The following CPSF3 variants were observed in gnomAD, a reference collection of about 807,000 sequenced individuals.
CPSF3 encodes the protein cleavage and polyadenylation specific factor 3, also known as cleavage and polyadenylation specificity factor subunit 3.
CPSF3 carries 57 observed loss-of-function variants against 84.1 expected under a neutral mutation model. The observed-to-expected ratio is 0.68, with a 90% CI of 0.55 to 0.85. The LOEUF (loss-of-function observed/expected upper bound fraction) is 0.85, where lower values mean the gene tolerates loss of function less well. Ranked by LOEUF, CPSF3 falls within the 40% of genes least tolerant of loss-of-function variation. CPSF3 has a pLI of 0.00. For missense variants in CPSF3, 522 were observed against 838.8 expected (o/e 0.62, Z 4.66); for synonymous variants, 275 against 278.1 (o/e 0.99, Z 0.11).
intron 16 of CPSF3, among the ~76,000 whole-genome samples, chr2:9,468,916 G>A (rs985556430): frequency 2.9e-4 from 44 of 152,084 alleles, no homozygotes; most frequent in African/African-American, 1.0e-3. Context: ...GTGAACCCCC[G>A]TGCCCGGCCC....
At chr2:9,466,424 GCACACACGCGCA>G (rs1034921454) in intron 15 of CPSF3, among the ~76,000 whole-genome samples, 6 of 141,846 alleles carry the variant, frequency 4.2e-5, no homozygotes, top group African/African-American at 1.7e-4. Flanking sequence ...ACGCACACGC[GCACACACGCGCA>G]CACACACAAA....
At chr2:9,457,054 ATGAGGG>A in intron 14 of CPSF3, 27 bp downstream of exon 14, 1 of 1,348,336 alleles carries the variant, frequency 7.4e-7, no homozygotes, top group Non-Finnish European at 1.0e-6. Context: ...TACCTAAACA[ATGAGGG>A]GAAAAAAGTT....
chr2:9,445,710 T>C (rs1392182357), intron 10 of CPSF3, among the ~76,000 whole-genome samples: 2 of 152,190 alleles, frequency 1.3e-5, no homozygotes, highest in Non-Finnish European at 2.9e-5. Context: ...TTGTGTGGTG[T>C]CACCACCTCA....
At chr2:9,423,935 C>A in intron 1 of CPSF3, 112 bp downstream of exon 1, 1 of 1,498,788 alleles carries the variant, frequency 6.7e-7, no homozygotes, top group Non-Finnish European at 8.9e-7. Flanking sequence ...GGCAGCCTGC[C>A]TTTGGTCCGC....
At chr2:9,435,467 G>A (rs1680745214) in intron 6 of CPSF3, among the ~76,000 whole-genome samples, 1 of 150,336 alleles carries the variant, frequency 6.7e-6, no homozygotes, top group Non-Finnish European at 1.5e-5. Flanking sequence ...ACTCTGGAGT[G>A]AGCGACTGCA....
At chr2:9,460,275 A>G (rs1681690052) in intron 15 of CPSF3, among the ~76,000 whole-genome samples, 1 of 152,104 alleles carries the variant, frequency 6.6e-6, no homozygotes, top group South Asian at 2.1e-4. Flanking sequence ...TAAAAATACA[A>G]AAAATTAGCT....
At position 9,466,328 on chromosome 2, in the gene CPSF3, ACGCACGCACACACGCGCGCGCG is replaced by A. The variant is rs1194423448; in HGVS notation, c.1787-1373_1787-1352del. Among the ~76,000 whole-genome samples the A allele has an allele frequency of 4.0e-4, 24 of 59,478 alleles. No individual in the cohort carries two copies. The South Asian group carries it at 6.0e-3, about 15-fold the overall frequency. The allele number at this position is 59,478 out of a possible 152,430, so 39.0% of individuals were successfully genotyped here. On this transcript the variant is annotated intron_variant, in intron 15 of 17. Coordinates refer to ENST00000238112, the MANE Select transcript of CPSF3 (RefSeq NM_016207.4). ...CACGCACACTGACGCACGCACACAG[ACGCACGCACACACGCGCGCGCG>A]CGCACACACACACGCACACACCCAC... is the stretch of plus-strand genomic sequence containing the variant.
chr2:9,449,619 G>GTAGTCCCAA (rs369423494), intron 11 of CPSF3, among the ~76,000 whole-genome samples: 246 of 152,180 alleles, frequency 1.6e-3, no homozygotes, highest in African/African-American at 5.7e-3. Flanking sequence ...GCATGCTCCT[G>GTAGTCCCAA]TAGTCCCAAC....
rs769448284 is a variant in CPSF3 at position 9,473,004 on chromosome 2, C to T, written c.2042C>T (p.Thr681Met). 7 of 1,612,148 alleles carry T rather than the reference C, an allele frequency of 4.3e-6. No individual in the cohort carries two copies. Among genetic ancestry groups the T allele is most frequent in the South Asian group, 1.1e-5 (1 of 90,992 alleles). Residue 681 changes from threonine (T) to methionine (M), a missense_variant, in exon 18 of 18, where the codon ACG becomes ATG. Around this residue, in one of 2 missense-constraint regions of CPSF3, gnomAD observed 193 missense variants for 231.6 expected, o/e 0.83. Transcript: ENST00000238112. ...GCACAGAGACTGTACGAGGCCCTGA[C>T]GCCAGTTCACTGAGACTGTGCCTGT... ...LAAQRLYEAL[T>M]PVH is the part of the protein sequence containing the mutation.
chr2:9,457,555 G>T (rs1458428149), intron 14 of CPSF3, among the ~76,000 whole-genome samples: 1 of 152,092 alleles, frequency 6.6e-6, no homozygotes, highest in Non-Finnish European at 1.5e-5. Flanking sequence ...ACCTTGTGGA[G>T]TTTGGAAGAC....
rs578261989 is a variant in CPSF3, at chr2:9,464,102, C to T, written c.1787-3605C>T. 2.6e-5 allele frequency among the ~76,000 whole-genome samples: 4 copies of T among 152,170 alleles called. No individual in the cohort carries two copies. In the South Asian group the frequency reaches 8.3e-4, roughly 32 times the overall value. ...GTGTGTGTGTGTGTGTCTAACCAACCACAATTTATGTGTCCCCATTCTTAA... is the reference window on the plus strand; with the variant it reads ...GTGTGTGTGTGTGTGTCTAACCAACTACAATTTATGTGTCCCCATTCTTAA... On this transcript the variant is annotated intron_variant, in intron 15 of 17. Coordinates refer to ENST00000238112, the MANE Select transcript of CPSF3 (RefSeq NM_016207.4).
intron 14 of CPSF3, among the ~76,000 whole-genome samples, chr2:9,457,936 GTTA>G (rs894979862): frequency 6.6e-6 from 1 of 151,862 alleles, no homozygotes; most frequent in Non-Finnish European, 1.5e-5. Flanking sequence ...TGTATTTTTA[GTTA>G]GAGATGGGGT....
intron 5 of CPSF3, among the ~76,000 whole-genome samples, chr2:9,433,308 G>T (rs894946079): frequency 6.6e-6 from 1 of 152,196 alleles, no homozygotes; most frequent in Admixed American, 6.5e-5. Context: ...AGTTTGCTAG[G>T]TGATTCTAAC....
rs1680934882 is a variant in CPSF3 at position 9,440,599 on chromosome 2, A to G, written c.869A>G (p.Asn290Ser). The change falls in exon 8 of 18, where the codon AAT (asparagine) becomes AGT (serine). Residue 290 changes from asparagine to serine, a missense_variant. By Grantham distance (46) the Asn-to-Ser change is conservative. Coordinates refer to ENST00000238112, the MANE Select transcript of CPSF3 (RefSeq NM_016207.4). The part of the protein sequence containing the change: ...AVYQTYVNAM[N>S]DKIRKQININ... The stretch of plus-strand genomic sequence containing the variant: ...TACCAGACATATGTAAATGCCATGA[A>G]TGACAAAATCCGCAAACAGATCAAC... 6.2e-7 allele frequency: 1 copy of G among 1,614,224 alleles called. No homozygotes were observed.
chr2:9,434,952 T>C (rs540641242), intron 6 of CPSF3, among the ~76,000 whole-genome samples: 13 of 152,362 alleles, frequency 8.5e-5, no homozygotes, highest in African/African-American at 3.1e-4. Context: ...ATAAGCAACA[T>C]GTGAGCAGAT....
At chr2:9,444,132 T>C (rs1445435397) in intron 10 of CPSF3, among the ~76,000 whole-genome samples, 1 of 132,124 alleles carries the variant, frequency 7.6e-6, no homozygotes, top group South Asian at 2.4e-4. Context: ...AAATGCTTAA[T>C]ATATATATTA....
At chr2:9,469,879 C>T (rs1393130246) in intron 16 of CPSF3, among the ~76,000 whole-genome samples, 1 of 152,198 alleles carries the variant, frequency 6.6e-6, no homozygotes, top group Non-Finnish European at 1.5e-5. Flanking sequence ...GAAAATGGAA[C>T]CTTTTTTCCT....
chr2:9,467,913 G>A (rs1437987872), intron 16 of CPSF3, 137 bp downstream of exon 16: 3 of 656,130 alleles, frequency 4.6e-6, no homozygotes, highest in Non-Finnish European at 7.9e-6. Flanking sequence ...CTGCTTCTCT[G>A]TTAGGAAAGA....
At chr2:9,466,267 G>GC (rs1681929305) in intron 15 of CPSF3, among the ~76,000 whole-genome samples, 2 of 40,462 alleles carry the variant, frequency 4.9e-5, no homozygotes, top group Non-Finnish European at 1.7e-4. Context: ...CGCACACAAA[G>GC]ACGCACGCAC....
Sources: allele counts gnomAD v4.1 joint callset (sites outside exome capture counted in the v4.1 genomes callset), GRCh38; gene constraint gnomAD v4.1.1; regional missense constraint gnomAD v4.1.1; transcripts MANE v1.5; gene names NCBI Gene and HGNC (gene_info 2026-07-23, HGNC 2026-07-21).